Variants in ZNF343 observed in about 807,000 individuals in gnomAD.
The protein encoded by ZNF343 is zinc finger protein 343.
Under a neutral mutation model 13.8 loss-of-function variants are expected in ZNF343, and 11 were observed. The observed-to-expected ratio is 0.80, with a 90% CI of 0.50 to 1.32. The LOEUF (loss-of-function observed/expected upper bound fraction) is 1.32, where lower values mean the gene tolerates loss of function less well. ZNF343 is among the 40% of genes most tolerant of loss of function. ZNF343 has a pLI of 0.00. For missense variants in ZNF343, 658 were observed against 714.2 expected (o/e 0.92, Z 0.90); for synonymous variants, 248 against 260.0 (o/e 0.95, Z 0.44).
intron 1 of ZNF343, among the ~76,000 whole-genome samples, chr20:2,507,098 C>T (rs2122725358): frequency 6.6e-6 from 1 of 151,868 alleles, no homozygotes; most frequent in Non-Finnish European, 1.5e-5. Flanking sequence ...AACCCCGTGT[C>T]TACTAAAAAT....
intron 5 of ZNF343, 128 bp downstream of exon 5, chr20:2,492,571 G>C: frequency 9.1e-7 from 1 of 1,093,406 alleles, no homozygotes; most frequent in Non-Finnish European, 1.3e-6. Flanking sequence ...TAAGCCCCAT[G>C]GAGGCAGGGA....
At chr20:2,487,074 G>A (rs1339937764) in intron 5 of ZNF343, among the ~76,000 whole-genome samples, 1 of 152,194 alleles carries the variant, frequency 6.6e-6, no homozygotes, top group Non-Finnish European at 1.5e-5. Flanking sequence ...ACCCTAGTTT[G>A]CCAACCCTCA....
At chr20:2,498,323 T>C (rs2085495470) in intron 2 of ZNF343, among the ~76,000 whole-genome samples, 1 of 152,198 alleles carries the variant, frequency 6.6e-6, no homozygotes, top group Non-Finnish European at 1.5e-5. Context: ...GCCATTGCAC[T>C]CCAGCCTGCG....
chr20:2,493,169 G>A (rs1169018355), intron 4 of ZNF343: 2 of 482,540 alleles, frequency 4.1e-6, no homozygotes, highest in African/African-American at 3.9e-5. Flanking sequence ...GCAGAGAATG[G>A]GCTGCAGAAG....
intron 5 of ZNF343, chr20:2,486,856 G>C (rs532987158): frequency 6.6e-6 from 1 of 152,090 alleles, no homozygotes; most frequent in Admixed American, 6.5e-5. Flanking sequence ...AGTCCATATA[G>C]TTCATGCACT....
At chr20:2,502,951 A>C (rs1302170584) in intron 1 of ZNF343, among the ~76,000 whole-genome samples, 3 of 152,158 alleles carry the variant, frequency 2.0e-5, no homozygotes, top group Non-Finnish European at 4.4e-5. Flanking sequence ...GGATCAAATT[A>C]ACACATAACC....
intron 1 of ZNF343, among the ~76,000 whole-genome samples, chr20:2,507,371 A>G (rs1399518472): frequency 6.6e-6 from 1 of 152,110 alleles, no homozygotes; most frequent in Non-Finnish European, 1.5e-5. Flanking sequence ...GGACAGAACC[A>G]TGTGGGGACA....
At chr20:2,524,518 T>G (rs1240483184) in exon 1 of ZNF343, 1 of 152,596 alleles carries the variant, frequency 6.6e-6, no homozygotes, top group Admixed American at 6.5e-5. Context: ...CTGCCCCGAA[T>G]CGCAGGTTTT....
chr20:2,498,175 G>A (rs1019314398), intron 2 of ZNF343, among the ~76,000 whole-genome samples: 6 of 152,114 alleles, frequency 3.9e-5, no homozygotes, highest in South Asian at 2.1e-4. Context: ...TGACCAACAC[G>A]GAGAAGCCCT....
chr20:2,503,845 C>A (rs543115849), intron 1 of ZNF343, among the ~76,000 whole-genome samples: 216 of 152,048 alleles, frequency 1.4e-3, no homozygotes, highest in South Asian at 8.3e-3. Flanking sequence ...TAAATGCCCA[C>A]AAGAGAAAGC....
At position 2,483,735 on chromosome 20, in the gene ZNF343, T is replaced by C. The variant is rs1211144050; in HGVS notation, c.1226A>G (p.Tyr409Cys). 2 of 1,614,096 alleles carry C rather than the reference T, an allele frequency of 1.2e-6. No homozygotes were observed. Among genetic ancestry groups the C allele is most frequent in the Non-Finnish European group, 1.7e-6 (2 of 1,179,990 alleles). ...HQRIHSGEKP[Y>C]VCRECGRGFS... ...GCCTCGCCCACACTCCCTGCAAACA[T>C]AAGGCTTCTCCCCTGAGTGTATCCT... Residue 409 changes from tyrosine (Y) to cysteine (C), a missense_variant, in exon 6 of 6, where the codon TAT (tyrosine) becomes TGT (cysteine). Tyr to Cys is a radical substitution (Grantham distance 194). Coordinates refer to ENST00000278772, the MANE Select transcript of ZNF343 (RefSeq NM_024325.6).
At chr20:2,492,418 C>T (rs1284046794) in intron 5 of ZNF343, among the ~76,000 whole-genome samples, 3 of 152,202 alleles carry the variant, frequency 2.0e-5, no homozygotes, top group Non-Finnish European at 4.4e-5. Context: ...CAGCCAGCCA[C>T]CCTATCACAC....
intron 5 of ZNF343, among the ~76,000 whole-genome samples, chr20:2,492,245 T>C (rs2085377842): frequency 6.6e-6 from 1 of 152,196 alleles, no homozygotes; most frequent in African/African-American, 2.4e-5. Context: ...TGCAGCTTCA[T>C]ATACTGGGCA....
Position 2,484,557 on chromosome 20 carries a change from A to C in ZNF343, c.404T>G (p.Leu135Ter), listed in dbSNP as rs755423125. The change falls in exon 6 of 6, where the codon TTA (leucine) becomes TGA (stop). Residue 135 changes from leucine (L) to a stop codon, truncating the protein, a stop_gained. Coordinates refer to ENST00000278772, the MANE Select transcript of ZNF343 (RefSeq NM_024325.6). LOFTEE classifies it low-confidence loss of function (END_TRUNC). ...SQHVLQIFLG[L>*]CAENHFHPGN... is the part of the protein sequence containing the mutation. ...TGGATGGAAGTGATTTTCTGCACATAAGCCCAGGAAGATCTGAAGTACATG... is the reference window on the plus strand; with the variant it reads ...TGGATGGAAGTGATTTTCTGCACATCAGCCCAGGAAGATCTGAAGTACATG... 1.9e-5 allele frequency: 31 copies of C among 1,614,058 alleles called. No individual in the cohort carries two copies. Among genetic ancestry groups the C allele is most frequent in the Non-Finnish European group, 2.5e-5 (29 of 1,180,010 alleles).
rs756723069 is a variant in ZNF343, at chr20:2,483,613, A to C, written c.1348T>G (p.Ser450Ala). 4 of 1,613,614 alleles carry C rather than the reference A, an allele frequency of 2.5e-6. No homozygotes were observed. The highest frequency in any genetic ancestry group is 3.4e-6 in the Non-Finnish European group (4 of 1,179,820). Reference protein sequence around the residue: ...RECGRGFCDKSTLIIHERTHS... With the variant: ...RECGRGFCDKATLIIHERTHS... Reference sequence around the variant, plus strand: ...GTCCGCTCGTGTATGATGAGGGTTGACTTGTCACAAAAGCCTCGCCCACAC... The same window carrying C: ...GTCCGCTCGTGTATGATGAGGGTTGCCTTGTCACAAAAGCCTCGCCCACAC... The change falls in exon 6 of 6, where the codon TCA (serine) becomes GCA (alanine). Residue 450 changes from serine (S) to alanine (A), a missense_variant. Coordinates refer to ENST00000278772, the MANE Select transcript of ZNF343 (RefSeq NM_024325.6).
rs771928502 is a variant in ZNF343 at position 2,483,834 on chromosome 20, G to A, written c.1127C>T (p.Ser376Phe). 1.2e-6 allele frequency: 2 copies of A among 1,613,422 alleles called. No homozygotes were observed. Among genetic ancestry groups the A allele is most frequent in the South Asian group, 2.2e-5 (2 of 91,030 alleles). ...SSFIRHQRTH[S>F]GEKPYVCLEC... is the part of the protein sequence containing the mutation. ...CAGGCACACATAGGGTTTCTCACCGGAGTGTGTCCTCTGGTGTCTGATGAA... is the reference window on the plus strand; with the variant it reads ...CAGGCACACATAGGGTTTCTCACCGAAGTGTGTCCTCTGGTGTCTGATGAA... Residue 376 changes from serine to phenylalanine, a missense_variant, in exon 6 of 6, where the codon TCC (serine) becomes TTC (phenylalanine). Ser to Phe is a radical substitution (Grantham distance 155). Transcript: ENST00000278772.
In ZNF343 at chr20:2,496,835, C is replaced by A. The variant is rs2085467035; in HGVS notation, c.-149-2791G>T. On this transcript the variant is annotated intron_variant, in intron 2 of 5. Transcript: ENST00000278772. ...GTGACTCATGCCTTTAATCCCAGCA[C>A]TGTGGGAGGCCGAGGTGGGCAGATC... 3.3e-5 allele frequency among the ~76,000 whole-genome samples: 5 copies of A among 152,278 alleles called. No homozygotes were observed. In the South Asian group the frequency reaches 1.0e-3, roughly 32 times the overall value.
chr20:2,494,396 T>C (rs1466303730), intron 2 of ZNF343, among the ~76,000 whole-genome samples: 2 of 152,110 alleles, frequency 1.3e-5, no homozygotes, highest in African/African-American at 2.4e-5. Flanking sequence ...CTCTGACTGT[T>C]TCCTGTAGAC....
chr20:2,502,532 G>C (rs2085586605), intron 1 of ZNF343, among the ~76,000 whole-genome samples: 4 of 152,064 alleles, frequency 2.6e-5, no homozygotes, highest in Admixed American at 2.6e-4. Flanking sequence ...AAGTTGAAAT[G>C]AAGGAAAAAA....
Sources: gnomAD v4.1 joint callset for allele counts (sites outside exome capture counted in the v4.1 genomes callset) on GRCh38, gnomAD v4.1.1 for gene constraint, MANE v1.5 for transcripts, NCBI Gene and HGNC (gene_info 2026-07-23, HGNC 2026-07-21) for gene names.